The following TMEM132B variants were observed in gnomAD, a reference collection of about 807,000 sequenced individuals.
TMEM132B encodes transmembrane protein 132B.
In TMEM132B, 18 loss-of-function variants were observed where a neutral mutation model predicts 90.8. The observed-to-expected ratio is 0.20, with a 90% CI of 0.14 to 0.29. The LOEUF (loss-of-function observed/expected upper bound fraction) is 0.29, where lower values mean the gene tolerates loss of function less well. Ranked by LOEUF, TMEM132B falls within the 10% of genes least tolerant of loss-of-function variation. TMEM132B has a pLI of 1.00. For synonymous variants in TMEM132B, 504 were observed against 523.3 expected, an observed-to-expected ratio of 0.96 and a Z score of 0.50; for missense variants, 1,096 against 1,326.8, an observed-to-expected ratio of 0.83 and a Z score of 2.70.
Position 125,438,159 on chromosome 12 carries a change from T to C in TMEM132B, c.1106+22482T>C, listed in dbSNP as rs139687125. 4.7e-3 allele frequency among the ~76,000 whole-genome samples: 715 copies of C among 152,302 alleles called. 5 individuals are homozygous for C. Among genetic ancestry groups the C allele is most frequent in the African/African-American group, 0.016 (666 of 41,556 alleles). The stretch of plus-strand genomic sequence containing the variant: ...CATTCTTCTCCCTTTATTGAGACTT[T>C]CCAAGAATTAAACATATTTTTAAGA... On this transcript the variant is annotated intron_variant, in intron 3 of 8. Transcript: ENST00000682704.
At chr12:125,567,445 A>G (rs1184910097) in intron 4 of TMEM132B, among the ~76,000 whole-genome samples, 1 of 150,176 alleles carries the variant, frequency 6.7e-6, no homozygotes, top group Non-Finnish European at 1.5e-5. Flanking sequence ...CCCCTGCCCC[A>G]CACATCTCTT....
intron 1 of TMEM132B, among the ~76,000 whole-genome samples, chr12:125,244,527 G>A (rs1874164737): frequency 6.6e-6 from 1 of 152,208 alleles, no homozygotes; most frequent in Admixed American, 6.5e-5. Context: ...CTTCCCCAGT[G>A]TTCTCTGTTC....
rs751122418 is a variant in TMEM132B at position 125,492,023 on chromosome 12, T to C, written c.1107-27416T>C. 6.6e-6 allele frequency among the ~76,000 whole-genome samples: 1 copy of C among 152,170 alleles called. No homozygotes were observed. Among genetic ancestry groups the C allele is most frequent in the Non-Finnish European group, 1.5e-5 (1 of 68,038 alleles). ...ATGGCAATTAAGCCAAGTTCATAAA[T>C]TGGATTTTCAGGGTATTACTGGAAA... On this transcript the variant is annotated intron_variant, in intron 3 of 8. Transcript: ENST00000682704. This position sits in a 1 kb window ranked among gnomAD's most constrained non-coding sequence, Gnocchi z 5.8.
At chr12:125,484,402 G>A (rs920871505) in intron 3 of TMEM132B, among the ~76,000 whole-genome samples, 2 of 152,114 alleles carry the variant, frequency 1.3e-5, no homozygotes, top group South Asian at 2.1e-4. Context: ...GGCTGGGGCT[G>A]TAAATCAAGG....
At chr12:125,594,124 T>C (rs1284547217) in intron 5 of TMEM132B, among the ~76,000 whole-genome samples, 1 of 152,240 alleles carries the variant, frequency 6.6e-6, no homozygotes, top group African/African-American at 2.4e-5. Flanking sequence ...ATTTTCATTT[T>C]ATAAAGTCTG....
At chr12:125,261,595 A>G (rs1874569478) in intron 1 of TMEM132B, among the ~76,000 whole-genome samples, 1 of 152,198 alleles carries the variant, frequency 6.6e-6, no homozygotes, top group South Asian at 2.1e-4. Flanking sequence ...TCCGTGCTCC[A>G]CAAGTGCAGA....
intron 1 of TMEM132B, among the ~76,000 whole-genome samples, chr12:125,225,241 C>T (rs1023497908): frequency 6.6e-6 from 1 of 152,186 alleles, no homozygotes; most frequent in Non-Finnish European, 1.5e-5. Flanking sequence ...CCCTGGGCTC[C>T]CAGAGTATAT....
intron 3 of TMEM132B, among the ~76,000 whole-genome samples, chr12:125,511,272 A>G (rs1182562651): frequency 6.6e-6 from 1 of 152,222 alleles, no homozygotes; most frequent in Non-Finnish European, 1.5e-5. Flanking sequence ...GTATAGAAAT[A>G]CCACATTTTG....
intron 1 of TMEM132B, among the ~76,000 whole-genome samples, chr12:125,339,517 C>T (rs143202420): frequency 3.9e-5 from 6 of 152,326 alleles, no homozygotes; most frequent in East Asian, 1.9e-4. Context: ...ATGGAACACC[C>T]ACTCCAGGCA....
intron 5 of TMEM132B, among the ~76,000 whole-genome samples, chr12:125,626,369 A>G (rs1886231000): frequency 6.6e-6 from 1 of 152,170 alleles, no homozygotes. Flanking sequence ...TATCTCTTCA[A>G]TATACTGATT....
At chr12:125,299,539 A>G (rs1015581809) in intron 1 of TMEM132B, among the ~76,000 whole-genome samples, 3 of 152,180 alleles carry the variant, frequency 2.0e-5, no homozygotes, top group Non-Finnish European at 2.9e-5. Context: ...TGACCTGCTC[A>G]GGAGCTCCCT....
chr12:125,484,313 C>T (rs1259833721), intron 3 of TMEM132B, among the ~76,000 whole-genome samples: 3 of 152,160 alleles, frequency 2.0e-5, no homozygotes, highest in African/African-American at 7.2e-5. Context: ...GGGGCTGGGC[C>T]TCTTGGCAAC....
chr12:125,386,572 T>C (rs1202976995), intron 2 of TMEM132B, among the ~76,000 whole-genome samples: 1 of 152,238 alleles, frequency 6.6e-6, no homozygotes, highest in African/African-American at 2.4e-5. Flanking sequence ...TTTTTTCTTC[T>C]CTACTTGTTC....
chr12:125,298,796 C>T (rs1329298777), intron 1 of TMEM132B, among the ~76,000 whole-genome samples: 4 of 150,446 alleles, frequency 2.7e-5, no homozygotes, highest in Non-Finnish European at 5.9e-5. Context: ...TGCCGTGGCG[C>T]GATCTCGGCT....
At chr12:125,481,140 C>T (rs536875727) in intron 3 of TMEM132B, among the ~76,000 whole-genome samples, 1 of 152,340 alleles carries the variant, frequency 6.6e-6, no homozygotes, top group African/African-American at 2.4e-5. Context: ...GACAAACCCA[C>T]TGCCAGTATC....
chr12:125,342,607 T>C (rs1181128054), intron 1 of TMEM132B, among the ~76,000 whole-genome samples: 1 of 152,244 alleles, frequency 6.6e-6, no homozygotes, highest in Non-Finnish European at 1.5e-5. Flanking sequence ...CATTTTGTTC[T>C]GTGTCTGATT....
chr12:125,430,075 A>G (rs1475172901), intron 3 of TMEM132B, among the ~76,000 whole-genome samples: 2 of 152,192 alleles, frequency 1.3e-5, no homozygotes, highest in Non-Finnish European at 2.9e-5. Context: ...TCCTTCCACA[A>G]TGAATCACTG....
chr12:125,401,709 C>A (rs1371306799), intron 2 of TMEM132B, among the ~76,000 whole-genome samples: 1 of 152,108 alleles, frequency 6.6e-6, no homozygotes, highest in African/African-American at 2.4e-5. Flanking sequence ...CATTGCAATT[C>A]AAAGCTAGAA....
At chr12:125,418,607 A>T (rs1051715957) in intron 3 of TMEM132B, among the ~76,000 whole-genome samples, 2 of 152,202 alleles carry the variant, frequency 1.3e-5, no homozygotes, top group Non-Finnish European at 2.9e-5. Context: ...ATATGAATAT[A>T]TCCCCAACAA....
Sources: allele counts gnomAD v4.1 joint callset (sites outside exome capture counted in the v4.1 genomes callset), GRCh38; gene constraint gnomAD v4.1.1; non-coding constraint Gnocchi (gnomAD v3.1); transcripts MANE v1.5; gene names NCBI Gene and HGNC (gene_info 2026-07-23, HGNC 2026-07-21).